PCDHGB4: variants seen among roughly 807,000 people sequenced by gnomAD.
PCDHGB4 encodes protocadherin gamma subfamily B, 4.
In PCDHGB4, 38 loss-of-function variants were observed where a neutral mutation model predicts 60.5. The observed-to-expected ratio is 0.63, with a 90% CI of 0.48 to 0.82. The LOEUF is 0.82. Ranked by LOEUF, PCDHGB4 falls within the 40% of genes least tolerant of loss-of-function variation. The pLI is 0.00. For missense variants in PCDHGB4, 1,109 were observed against 1,209.6 expected (o/e 0.92, Z 1.23); for synonymous variants, 456 against 509.7 (o/e 0.89, Z 1.42).
At position 141,485,275 on chromosome 5, in the gene PCDHGB4, G is replaced by A. The variant is rs77402299; in HGVS notation, c.2398-9532G>A. The A allele has an allele frequency of 8.7e-6, 14 of 1,613,954 alleles. No homozygotes were observed. In the African/African-American group the frequency reaches 1.1e-4, roughly 12 times the overall value. ...ACGTTTGTGGGCAGATCCGCTACCC[G>A]GTCCCAGAGGAGTCACAGGAAGGGA... On this transcript the variant is annotated intron_variant, in intron 1 of 3. Transcript: ENST00000519479. The surrounding 1 kb of genome is among the most constrained non-coding windows in gnomAD (Gnocchi z 5.7).
At chr5:141,495,095 G>C (rs67264863) in intron 2 of PCDHGB4, among the ~76,000 whole-genome samples, 9,751 of 152,126 alleles carry the variant, frequency 0.064, 363 homozygotes, top group South Asian at 0.11. Context: ...TTCCCTCCTC[G>C]CCACGACCGG....
intron 1 of PCDHGB4, chr5:141,420,293 A>G: frequency 1.3e-6 from 2 of 1,485,602 alleles, no homozygotes; most frequent in Non-Finnish European, 9.1e-7. Context: ...TTAAAAATGT[A>G]TTTAATCCTT....
At chr5:141,423,034 G>A (rs769232324) in intron 1 of PCDHGB4, 1 of 1,614,200 alleles carries the variant, frequency 6.2e-7, no homozygotes, top group Non-Finnish European at 8.5e-7. Context: ...AGGCCAGAAC[G>A]CCTGGCTGTC....
chr5:141,469,855 G>T (rs1272105046), intron 1 of PCDHGB4, among the ~76,000 whole-genome samples: 4 of 152,186 alleles, frequency 2.6e-5, no homozygotes, highest in Non-Finnish European at 4.4e-5. Flanking sequence ...TTCAGACCGG[G>T]TGCAATGGCT....
At position 141,487,289 on chromosome 5, in the gene PCDHGB4, G is replaced by T; in HGVS notation, c.2398-7518G>T. 6.2e-7 allele frequency: 1 copy of T among 1,614,096 alleles called. No individual in the cohort carries two copies. The highest frequency in any genetic ancestry group is 8.5e-7 in the Non-Finnish European group (1 of 1,180,024). On this transcript the variant is annotated intron_variant, in intron 1 of 3. Coordinates refer to ENST00000519479, the MANE Select transcript of PCDHGB4 (RefSeq NM_003736.4). The surrounding 1 kb of genome is among the most constrained non-coding windows in gnomAD (Gnocchi z 5.0). Reference sequence around the variant, plus strand: ...AGTGGCAATTTGCTTTGTCTCCTTTGGCTCATTCGTGGCACTACTCTCTAA... The same window carrying T: ...AGTGGCAATTTGCTTTGTCTCCTTTTGCTCATTCGTGGCACTACTCTCTAA...
chr5:141,423,447 T>C (rs1347619382), intron 1 of PCDHGB4: 1 of 1,613,880 alleles, frequency 6.2e-7, no homozygotes, highest in Admixed American at 1.7e-5. Context: ...CCACGTCACA[T>C]TTTGTAGGCG....
chr5:141,388,237 A>G lies in PCDHGB4; in HGVS notation c.353A>G (p.His118Arg). The G allele has an allele frequency of 1.9e-6, 3 of 1,607,818 alleles. No homozygotes were observed. The highest frequency in any genetic ancestry group is 2.6e-6 in the Non-Finnish European group (3 of 1,175,676). The change falls in exon 1 of 4, where the codon CAC becomes CGC. Residue 118 changes from histidine (H) to arginine (R), a missense_variant. By Grantham distance (29) the His-to-Arg change is conservative (BLOSUM62 0). Around this residue, in one of 2 missense-constraint regions of PCDHGB4, gnomAD observed 1,068 missense variants for 1,089.9 expected, o/e 0.98. Transcript: ENST00000519479. ...AVAENPLNFY[H>R]VNVEIEDIND... is the part of the protein sequence containing the mutation. ...GCTGAAAATCCACTGAACTTTTATC[A>G]CGTGAATGTGGAGATCGAGGACATT...
intron 1 of PCDHGB4, among the ~76,000 whole-genome samples, chr5:141,443,667 C>G (rs62379164): frequency 0.042 from 6,382 of 152,210 alleles, 168 homozygotes; most frequent in Middle Eastern, 0.088. Flanking sequence ...TTTTACTGAA[C>G]TAGTAGTTTA....
At chr5:141,505,202 T>C (rs778935321) in intron 2 of PCDHGB4, among the ~76,000 whole-genome samples, 191 bp from the exon 3 acceptor site, 3 of 152,012 alleles carry the variant, frequency 2.0e-5, no homozygotes, top group Non-Finnish European at 4.4e-5. Flanking sequence ...AAAGAGCTGG[T>C]TTGAGGGACT....
Position 141,421,056 on chromosome 5 carries a change from A to G in PCDHGB4, c.2397+30775A>G, listed in dbSNP as rs1378326708. On this transcript the variant is annotated intron_variant, in intron 1 of 3. Coordinates refer to ENST00000519479, the MANE Select transcript of PCDHGB4 (RefSeq NM_003736.4). ...TCCCTCCCTCCCCCGCCTCTACCACACAAAGCGGAATGAGATGGATACTCA... is the reference window on the plus strand; with the variant it reads ...TCCCTCCCTCCCCCGCCTCTACCACGCAAAGCGGAATGAGATGGATACTCA... 5 of 576,490 alleles carry G rather than the reference A, an allele frequency of 8.7e-6. No individual in the cohort carries two copies. In the East Asian group the frequency reaches 9.2e-5, roughly 11 times the overall value. The allele number at this position is 576,490 out of a possible 1,614,324, so 35.7% of individuals were successfully genotyped here. A position where few individuals can be genotyped will look rare whatever the true frequency, so the allele number is the denominator to read the frequency against.
chr5:141,487,667 A>G lies in PCDHGB4; in HGVS notation c.2398-7140A>G, dbSNP rs2099657916. ...GCTTGAGGGTTATTCTGATCCAGGC[A>G]TATGGCTAGGCCATGTCCTAGAGAG... On this transcript the variant is annotated intron_variant, in intron 1 of 3. Transcript: ENST00000519479. This position sits in a 1 kb window ranked among gnomAD's most constrained non-coding sequence, Gnocchi z 5.0. 6.2e-7 allele frequency: 1 copy of G among 1,612,782 alleles called. No individual in the cohort carries two copies. The highest frequency in any genetic ancestry group is 1.1e-5 in the South Asian group (1 of 90,692).
chr5:141,429,374 TG>T (rs2097206438), intron 1 of PCDHGB4, among the ~76,000 whole-genome samples: 1 of 145,410 alleles, frequency 6.9e-6, no homozygotes, highest in South Asian at 2.2e-4. Context: ...ATGGAGAAAA[TG>T]TGTTTTTTTT....
intron 1 of PCDHGB4, chr5:141,421,588 G>A: frequency 1.2e-6 from 2 of 1,613,910 alleles, no homozygotes; most frequent in Non-Finnish European, 8.5e-7. Context: ...TTACGGAGTG[G>A]AGGTGGAAAT....
Position 141,492,023 on chromosome 5 carries a change from C to G in PCDHGB4, c.2398-2784C>G, listed in dbSNP as rs536734764. 1.8e-4 allele frequency: 102 copies of G among 564,804 alleles called. 3 individuals carry two copies. In the South Asian group the frequency reaches 2.8e-3, roughly 15 times the overall value. The allele number at this position is 564,804 out of a possible 1,614,324, so 35.0% of individuals were successfully genotyped here. A position where few individuals can be genotyped will look rare whatever the true frequency, so the allele number is the denominator to read the frequency against. On this transcript the variant is annotated intron_variant, in intron 1 of 3. Coordinates refer to ENST00000519479, the MANE Select transcript of PCDHGB4 (RefSeq NM_003736.4). Reference sequence around the variant, plus strand: ...CGATTTCCGCGGGTGTCGGGGGTCCCGGGAGGAGGCAGTCACAGATCCACC... The same window carrying G: ...CGATTTCCGCGGGTGTCGGGGGTCCGGGGAGGAGGCAGTCACAGATCCACC...
At position 141,410,315 on chromosome 5, in the gene PCDHGB4, C is replaced by G. The variant is rs781293010; in HGVS notation, c.2397+20034C>G. 3 of 1,614,040 alleles carry G rather than the reference C, an allele frequency of 1.9e-6. No homozygotes were observed. In the East Asian group the frequency reaches 6.7e-5, roughly 36 times the overall value. On this transcript the variant is annotated intron_variant, in intron 1 of 3. Coordinates refer to ENST00000519479, the MANE Select transcript of PCDHGB4 (RefSeq NM_003736.4). ...GGCCTTAATCTCAGTGCTCTTCCTCCTCGCCGTGATTCTGGCCATTGCCTT... is the reference window on the plus strand; with the variant it reads ...GGCCTTAATCTCAGTGCTCTTCCTCGTCGCCGTGATTCTGGCCATTGCCTT...
intron 1 of PCDHGB4, chr5:141,430,575 A>T (rs1056696427): frequency 2.2e-6 from 1 of 455,822 alleles, no homozygotes; most frequent in Non-Finnish European, 3.7e-6. Flanking sequence ...AAAAGCGGAG[A>T]TCCTGCTCGC....
At chr5:141,404,333 C>G (rs181615917) in intron 1 of PCDHGB4, 10 of 1,613,736 alleles carry the variant, frequency 6.2e-6, no homozygotes, top group Non-Finnish European at 8.5e-6. Flanking sequence ...CTCAGTCTAC[C>G]TCCCGGAAAA....
rs2099718995 is a variant in PCDHGB4 at position 141,491,523 on chromosome 5, G to A, written c.2398-3284G>A. On this transcript the variant is annotated intron_variant, in intron 1 of 3. Transcript: ENST00000519479. This position sits in a 1 kb window ranked among gnomAD's most constrained non-coding sequence, Gnocchi z 6.9. ...CGGACGGCACGCTCAAGTACATGGAGGTGACGCTGCGGCCCACAGACTCGC... is the reference window on the plus strand; with the variant it reads ...CGGACGGCACGCTCAAGTACATGGAAGTGACGCTGCGGCCCACAGACTCGC... The A allele has an allele frequency of 3.1e-6, 5 of 1,613,954 alleles. No individual in the cohort carries two copies. The highest frequency in any genetic ancestry group is 3.4e-6 in the Non-Finnish European group (4 of 1,180,032).
At chr5:141,435,446 G>A (rs889481920) in intron 1 of PCDHGB4, among the ~76,000 whole-genome samples, 12 of 152,060 alleles carry the variant, frequency 7.9e-5, no homozygotes, top group Admixed American at 6.6e-4. Context: ...TCATTAATAC[G>A]ATATCTGTAT....
Sources: gnomAD v4.1 joint callset for allele counts (sites outside exome capture counted in the v4.1 genomes callset) on GRCh38, gnomAD v4.1.1 for gene constraint, gnomAD v4.1.1 regional missense constraint, Gnocchi (gnomAD v3.1) non-coding constraint, MANE v1.5 for transcripts, NCBI Gene and HGNC (gene_info 2026-07-23, HGNC 2026-07-21) for gene names.